HECW1: variants seen among roughly 807,000 people sequenced by gnomAD.
HECW1 encodes the protein HECT, C2 and WW domain containing E3 ubiquitin protein ligase 1.
Under a neutral mutation model 182.3 loss-of-function variants are expected in HECW1, and 61 were observed. The ratio of observed to expected loss-of-function variants is 0.33; its 90% confidence interval spans 0.27 to 0.41. HECW1 has a LOEUF of 0.41. HECW1 is among the 10% of genes least tolerant of loss of function. HECW1 has a pLI of 1.00. For missense variants in HECW1, 1,739 were observed against 2,108.9 expected, an observed-to-expected ratio of 0.82 and a Z score of 3.44; for synonymous variants, 859 against 832.6, an observed-to-expected ratio of 1.03 and a Z score of -0.55.
At chr7:43,285,552 A>G (rs1487662502) in intron 3 of HECW1, among the ~76,000 whole-genome samples, 6 of 152,172 alleles carry the variant, frequency 3.9e-5, no homozygotes, top group Non-Finnish European at 5.9e-5. Flanking sequence ...GTCCACACCT[A>G]TAATCCCAGC....
chr7:43,423,313 G>C (rs1162227077), intron 8 of HECW1, among the ~76,000 whole-genome samples: 1 of 152,254 alleles, frequency 6.6e-6, no homozygotes. Flanking sequence ...TCTTTTGTTA[G>C]TAAAATCAGC....
chr7:43,349,645 A>G (rs1814142235), intron 5 of HECW1, among the ~76,000 whole-genome samples: 1 of 152,084 alleles, frequency 6.6e-6, no homozygotes, highest in Admixed American at 6.5e-5. Context: ...GGTGCTTTAA[A>G]GTTTGTTTTG....
At chr7:43,254,192 C>G (rs576258723) in intron 3 of HECW1, among the ~76,000 whole-genome samples, 14 of 152,240 alleles carry the variant, frequency 9.2e-5, no homozygotes, top group African/African-American at 3.1e-4. Flanking sequence ...CTGAGTCAGG[C>G]TCCAATTTAG....
At chr7:43,163,789 C>G (rs1790806613) in intron 2 of HECW1, among the ~76,000 whole-genome samples, 1 of 152,100 alleles carries the variant, frequency 6.6e-6, no homozygotes, top group Non-Finnish European at 1.5e-5. Flanking sequence ...GGTCTAACCA[C>G]TGAGAAATGG....
At chr7:43,435,997 T>A (rs2076698934) in intron 8 of HECW1, among the ~76,000 whole-genome samples, 1 of 151,938 alleles carries the variant, frequency 6.6e-6, no homozygotes, top group South Asian at 2.1e-4. Flanking sequence ...ACGCTGTCTG[T>A]ACTAAAAATA....
intron 2 of HECW1, chr7:43,148,553 G>A (rs1223750690): frequency 6.6e-6 from 1 of 151,822 alleles, no homozygotes; most frequent in Non-Finnish European, 1.5e-5. Flanking sequence ...CTCAGGTTCA[G>A]AGAGGTTAAG....
chr7:43,302,581 T>C (rs1330078333), intron 3 of HECW1, among the ~76,000 whole-genome samples: 2 of 152,168 alleles, frequency 1.3e-5, no homozygotes, highest in Non-Finnish European at 2.9e-5. Context: ...GAGGTCATCA[T>C]GGGGGCTCCT....
chr7:43,326,999 C>G (rs1810876420), intron 5 of HECW1, among the ~76,000 whole-genome samples: 1 of 152,250 alleles, frequency 6.6e-6, no homozygotes, highest in Admixed American at 6.5e-5. Flanking sequence ...TTTATTTCAA[C>G]TTGGGCATGT....
At chr7:43,226,542 A>C (rs573251141) in intron 2 of HECW1, among the ~76,000 whole-genome samples, 1 of 152,224 alleles carries the variant, frequency 6.6e-6, no homozygotes, top group Non-Finnish European at 1.5e-5. Context: ...TTGTCACTCA[A>C]CTGACAGGTC....
At chr7:43,548,679 C>T (rs12702049) in intron 26 of HECW1, among the ~76,000 whole-genome samples, 30,823 of 152,008 alleles carry the variant, frequency 0.2, 3,349 homozygotes, top group East Asian at 0.39. Flanking sequence ...TGGTGGTCCA[C>T]GCCTATAATC....
Position 43,302,155 on chromosome 7 carries a change from C to T in HECW1, c.28-9608C>T, listed in dbSNP as rs150028867. On this transcript the variant is annotated intron_variant, in intron 3 of 29. Coordinates refer to ENST00000395891, the MANE Select transcript of HECW1 (RefSeq NM_015052.5). Reference sequence around the variant, plus strand: ...ACCTAATAGCAGGCAAATGAGGACACGACCATGAATGGAGGAGGGAAACAC... The same window carrying T: ...ACCTAATAGCAGGCAAATGAGGACATGACCATGAATGGAGGAGGGAAACAC... Among the ~76,000 whole-genome samples, 1,172 of 152,244 alleles carry T rather than the reference C, an allele frequency of 7.7e-3. 17 individuals are homozygous for T. Among genetic ancestry groups the T allele is most frequent in the African/African-American group, 0.027 (1,123 of 41,534 alleles).
At chr7:43,278,316 C>T (rs777229961) in intron 3 of HECW1, among the ~76,000 whole-genome samples, 11 of 152,126 alleles carry the variant, frequency 7.2e-5, no homozygotes, top group Non-Finnish European at 1.3e-4. Flanking sequence ...TTGACTCATC[C>T]TTTCTCTGCA....
intron 2 of HECW1, among the ~76,000 whole-genome samples, chr7:43,220,282 C>T (rs964401987): frequency 6.6e-6 from 1 of 152,228 alleles, no homozygotes; most frequent in Non-Finnish European, 1.5e-5. Context: ...TGCAACGCTT[C>T]CTGTGTCCTC....
intron 13 of HECW1, among the ~76,000 whole-genome samples, chr7:43,457,228 T>C (rs2077431066): frequency 6.6e-6 from 1 of 152,216 alleles, no homozygotes; most frequent in Non-Finnish European, 1.5e-5. Flanking sequence ...TCTTTAAGAC[T>C]GGAGTGGCAG....
At chr7:43,136,803 G>A (rs1787588608) in intron 2 of HECW1, among the ~76,000 whole-genome samples, 2 of 152,146 alleles carry the variant, frequency 1.3e-5, no homozygotes, top group South Asian at 2.1e-4. Context: ...GCCTTGGGGA[G>A]CATTATAGTC....
chr7:43,245,008 T>G (rs1196446426), intron 3 of HECW1, among the ~76,000 whole-genome samples: 1 of 152,232 alleles, frequency 6.6e-6, no homozygotes, highest in East Asian at 1.9e-4. Context: ...TGCCTACTCA[T>G]GCAGAGGGCA....
At chr7:43,255,882 TA>T (rs1800516585) in intron 3 of HECW1, among the ~76,000 whole-genome samples, 1 of 152,204 alleles carries the variant, frequency 6.6e-6, no homozygotes, top group African/African-American at 2.4e-5. Flanking sequence ...GTTAAGGAAC[TA>T]AAATGTGAGT....
chr7:43,299,054 G>A (rs960670340), intron 3 of HECW1, among the ~76,000 whole-genome samples: 2 of 152,234 alleles, frequency 1.3e-5, no homozygotes, highest in African/African-American at 4.8e-5. Context: ...CTTGTAACCA[G>A]TGGAAATGGC....
At chr7:43,308,242 TA>T (rs1338524857) in intron 3 of HECW1, among the ~76,000 whole-genome samples, 2 of 57,038 alleles carry the variant, frequency 3.5e-5, no homozygotes, top group East Asian at 5.3e-4. Context: ...TAATAATATA[TA>T]ATATATATAT....
Sources: allele counts gnomAD v4.1 joint callset (sites outside exome capture counted in the v4.1 genomes callset), GRCh38; gene constraint gnomAD v4.1.1; transcripts MANE v1.5; gene names NCBI Gene and HGNC (gene_info 2026-07-23, HGNC 2026-07-21).